RBBP8: variants seen among roughly 807,000 people sequenced by gnomAD.
The protein encoded by RBBP8 is RB binding protein 8, endonuclease, also known as DNA endonuclease RBBP8.
A neutral mutation model predicts 108.3 loss-of-function variants in RBBP8; 88 were observed. That is an observed-to-expected ratio of 0.81 (90% CI 0.68 to 0.97). RBBP8 has a LOEUF of 0.97. Ranked by LOEUF, RBBP8 falls within the 50% of genes least tolerant of loss-of-function variation. The probability of loss-of-function intolerance (pLI) is 0.00; values close to 1 mark genes in which losing one functional copy is unlikely to be tolerated. For synonymous variants in RBBP8, 332 were observed against 348.2 expected (o/e 0.95, Z 0.52); for missense variants, 1,023 against 1,049.0 (o/e 0.98, Z 0.34).
At chr18:23,001,818 A>G (rs1194819703) in intron 15 of RBBP8, 89 bp downstream of exon 15, 33 of 1,466,334 alleles carry the variant, frequency 2.3e-5, no homozygotes, top group Middle Eastern at 1.8e-4. Flanking sequence ...GCTTGATGAC[A>G]TATCAACAAT....
At chr18:23,024,532 C>G (rs778657210) in intron 18 of RBBP8, 2 of 152,124 alleles carry the variant, frequency 1.3e-5, no homozygotes, top group African/African-American at 2.4e-5. Flanking sequence ...CTATTTTCTC[C>G]ATGGTCCAAA....
chr18:22,946,582 A>G, intron 3 of RBBP8, 96 bp downstream of exon 3: 1 of 1,535,194 alleles, frequency 6.5e-7, no homozygotes, highest in Non-Finnish European at 8.8e-7. Context: ...CTGATGTCCA[A>G]TTTGACCTTA....
Position 23,001,230 on chromosome 18 carries a change from C to T in RBBP8, c.2144-356C>T, listed in dbSNP as rs118026159. ...TTTACATACGTGTCTACAAGCCTTT[C>T]ACTACCTATATTACATCTATTCACT... On this transcript the variant is annotated intron_variant, in intron 14 of 18. Transcript: ENST00000327155. Among the ~76,000 whole-genome samples the T allele has an allele frequency of 1.4e-4, 22 of 152,342 alleles. No individual in the cohort carries two copies. The East Asian group carries it at 3.9e-3, about 27-fold the overall frequency.
rs760036005 is a variant in RBBP8 at position 22,936,896 on chromosome 18, T to A, written c.45T>A (p.Asp15Glu). Residue 15 changes from aspartate (D) to glutamate (E), a missense_variant, in exon 2 of 19, where the codon GAT (aspartate) becomes GAA (glutamate). By Grantham distance (45) the Asp-to-Glu change is conservative (BLOSUM62 2). Coordinates refer to ENST00000327155, the MANE Select transcript of RBBP8 (RefSeq NM_002894.3). ...GCTGTGGAAGCCCTAACTCTGCAGA[T>A]ACATCTAGTGACTTTAAGGACCTTT... ...GSSCGSPNSADTSSDFKDLWT... is the reference protein window; with the variant it reads ...GSSCGSPNSAETSSDFKDLWT... The A allele has an allele frequency of 2.5e-6, 4 of 1,614,156 alleles. No homozygotes were observed. In the South Asian group the frequency reaches 4.4e-5, roughly 18 times the overall value.
chr18:22,979,505 T>C (rs1038330329), intron 6 of RBBP8, among the ~76,000 whole-genome samples: 7 of 152,220 alleles, frequency 4.6e-5, no homozygotes, highest in Non-Finnish European at 8.8e-5. Flanking sequence ...TAAAAATCTC[T>C]GTTGGTCATA....
intron 12 of RBBP8, 131 bp from the exon 13 acceptor site, chr18:22,996,243 C>T: frequency 1.1e-5 from 16 of 1,418,698 alleles, no homozygotes; most frequent in Non-Finnish European, 1.5e-5. Flanking sequence ...CTTTATATAT[C>T]TTAGATATAA....
intron 15 of RBBP8, among the ~76,000 whole-genome samples, chr18:23,002,030 C>A (rs2045957878): frequency 1.3e-5 from 2 of 152,066 alleles, no homozygotes; most frequent in South Asian, 4.1e-4. Context: ...AAATTTCTTT[C>A]TAAATACGCA....
chr18:22,985,969 C>T (rs1245086479), intron 8 of RBBP8, among the ~76,000 whole-genome samples: 1 of 151,856 alleles, frequency 6.6e-6, no homozygotes, highest in Non-Finnish European at 1.5e-5. Flanking sequence ...AACCCCCACC[C>T]CAGCATTTTT....
rs1440805960 is a variant in RBBP8 at position 22,946,494 on chromosome 18, T to C, written c.152+8T>C. 1 of 1,612,464 alleles carries C rather than the reference T, an allele frequency of 6.2e-7. No homozygotes were observed. The highest frequency in any genetic ancestry group is 8.5e-7 in the Non-Finnish European group (1 of 1,179,106). ...AAAACAGGAACGAATCTTGTAAGTA[T>C]CAGTATGTAATACTCATGTGTTATT... On this transcript the variant is annotated splice_region_variant and intron_variant, in intron 3 of 18. Coordinates refer to ENST00000327155, the MANE Select transcript of RBBP8 (RefSeq NM_002894.3).
At chr18:22,946,521 ATAGAGTAGT>A in intron 3 of RBBP8, 35 bp downstream of exon 3, 1 of 1,609,872 alleles carries the variant, frequency 6.2e-7, no homozygotes, top group Non-Finnish European at 8.5e-7. Context: ...TGTGTTATTT[ATAGAGTAGT>A]TGATACTGAT....
intron 4 of RBBP8, among the ~76,000 whole-genome samples, chr18:22,967,193 C>A (rs1439122435): frequency 5.9e-5 from 9 of 151,938 alleles, no homozygotes; most frequent in African/African-American, 2.2e-4. Flanking sequence ...AGTGAAACCC[C>A]ATCTCTATGA....
chr18:22,949,618 A>C lies in RBBP8; in HGVS notation c.153A>C (p.Leu51Phe). 1 of 1,604,840 alleles carries C rather than the reference A, an allele frequency of 6.2e-7. No homozygotes were observed. Among genetic ancestry groups the C allele is most frequent in the Non-Finnish European group, 8.5e-7 (1 of 1,172,246 alleles). The change falls in exon 4 of 19, where the codon TTA becomes TTC. Residue 51 changes from leucine to phenylalanine, a missense_variant and splice_region_variant. Coordinates refer to ENST00000327155, the MANE Select transcript of RBBP8 (RefSeq NM_002894.3). ...KVTKLKQERI[L>F]DAQRLEEFFT... ...AACTTATTTATTTTTTGACCTTTAG[A>C]GATGCACAAAGACTAGAAGAATTCT...
chr18:22,936,140 C>T (rs1382138140), intron 1 of RBBP8, among the ~76,000 whole-genome samples: 2 of 151,960 alleles, frequency 1.3e-5, no homozygotes, highest in African/African-American at 2.4e-5. Flanking sequence ...GGGTCTCTGT[C>T]GCTCAGGCTG....
At chr18:22,940,695 T>C (rs936519637) in intron 2 of RBBP8, among the ~76,000 whole-genome samples, 1 of 151,292 alleles carries the variant, frequency 6.6e-6, no homozygotes. Context: ...TGCCCAGGCT[T>C]GAGTGCAGTG....
intron 4 of RBBP8, among the ~76,000 whole-genome samples, chr18:22,968,212 A>G (rs1053904200): frequency 6.6e-6 from 1 of 151,842 alleles, no homozygotes; most frequent in East Asian, 1.9e-4. Context: ...AGCTGGGACT[A>G]CAAGCGAGCA....
intron 9 of RBBP8, among the ~76,000 whole-genome samples, chr18:22,990,043 G>A (rs1000523604): frequency 4.6e-5 from 7 of 152,096 alleles, no homozygotes; most frequent in Middle Eastern, 3.4e-3. Context: ...AGATTTTTTT[G>A]TCCTTTCTAG....
intron 17 of RBBP8, among the ~76,000 whole-genome samples, chr18:23,021,114 G>A (rs982110866): frequency 5.3e-5 from 8 of 152,094 alleles, no homozygotes; most frequent in South Asian, 2.1e-4. Context: ...TGAAGGAATC[G>A]GCTGGATTAA....
intron 4 of RBBP8, among the ~76,000 whole-genome samples, chr18:22,953,398 A>G (rs1237124568): frequency 1.3e-5 from 2 of 152,206 alleles, no homozygotes; most frequent in Non-Finnish European, 2.9e-5. Context: ...GTTGTTCCTT[A>G]GCAAGTTGTT....
At chr18:23,004,223 CTAAG>C (rs1161677446) in intron 15 of RBBP8, among the ~76,000 whole-genome samples, 1 of 151,836 alleles carries the variant, frequency 6.6e-6, no homozygotes, top group African/African-American at 2.4e-5. Context: ...CGGAATCAGC[CTAAG>C]TGTCTACTTA....
Sources: gnomAD v4.1 joint callset for allele counts (sites outside exome capture counted in the v4.1 genomes callset) on GRCh38, gnomAD v4.1.1 for gene constraint, MANE v1.5 for transcripts, NCBI Gene and HGNC (gene_info 2026-07-23, HGNC 2026-07-21) for gene names.